ANO2: variants seen among roughly 807,000 people sequenced by gnomAD.
ANO2 encodes the protein anoctamin 2, also known as anoctamin-2.
In ANO2, 101 loss-of-function variants were observed where a neutral mutation model predicts 124.2. The ratio of observed to expected loss-of-function variants is 0.81; its 90% confidence interval spans 0.69 to 0.96. The LOEUF is 0.96. Ranked by LOEUF, ANO2 falls within the 40% of genes least tolerant of loss-of-function variation. The probability of loss-of-function intolerance (pLI) is 0.00; values close to 1 mark genes in which losing one functional copy is unlikely to be tolerated. For synonymous variants in ANO2, 486 were observed against 482.5 expected, an observed-to-expected ratio of 1.01 and a Z score of -0.09; for missense variants, 1,293 against 1,274.5, an observed-to-expected ratio of 1.01 and a Z score of -0.22.
At chr12:5,759,488 A>G (rs1027032978) in intron 10 of ANO2, among the ~76,000 whole-genome samples, 3 of 151,888 alleles carry the variant, frequency 2.0e-5, no homozygotes, top group Non-Finnish European at 4.4e-5. Context: ...CAGGCCACAC[A>G]GCAGGAGGTG....
At chr12:5,735,431 C>T (rs1950817734) in intron 13 of ANO2, among the ~76,000 whole-genome samples, 1 of 152,180 alleles carries the variant, frequency 6.6e-6, no homozygotes, top group African/African-American at 2.4e-5. Context: ...AGTCATCAAG[C>T]ACCTGCTATA....
chr12:5,881,441 T>C (rs1407644955), intron 3 of ANO2, among the ~76,000 whole-genome samples: 2 of 152,144 alleles, frequency 1.3e-5, no homozygotes, highest in Non-Finnish European at 2.9e-5. Context: ...GTGAAATGCA[T>C]CAGATCAAAC....
chr12:5,639,692 G>A (rs1397986614), intron 15 of ANO2, among the ~76,000 whole-genome samples: 1 of 152,176 alleles, frequency 6.6e-6, no homozygotes, highest in African/African-American at 2.4e-5. Flanking sequence ...GTGGGAGATG[G>A]GCAGGCAGCC....
intron 10 of ANO2, among the ~76,000 whole-genome samples, chr12:5,761,855 C>G (rs1367608662): frequency 6.6e-6 from 1 of 152,016 alleles, no homozygotes; most frequent in Non-Finnish European, 1.5e-5. Context: ...TAGCAGCAAA[C>G]AAAACAAAAC....
intron 16 of ANO2, among the ~76,000 whole-genome samples, chr12:5,621,442 G>C (rs1206118959): frequency 6.6e-6 from 1 of 152,198 alleles, no homozygotes; most frequent in African/African-American, 2.4e-5. Flanking sequence ...GACAGGAGCA[G>C]CCAGAAGACT....
Position 5,732,164 on chromosome 12 carries a change from G to A in ANO2, c.1545+356C>T, listed in dbSNP as rs185163226. Among the ~76,000 whole-genome samples, 13 of 152,288 alleles carry A rather than the reference G, an allele frequency of 8.5e-5. 1 individual carries two copies. The East Asian group carries it at 2.3e-3, about 27-fold the overall frequency. On this transcript the variant is annotated intron_variant, in intron 14 of 24. Transcript: ENST00000682330. ...TAGAACAGTGTCTAACATAGAGCAA[G>A]CGTTCGATAAGGATTAGCCGTGGTG... is the stretch of plus-strand genomic sequence containing the variant.
chr12:5,643,134 A>G (rs773529641), intron 15 of ANO2, among the ~76,000 whole-genome samples: 16 of 152,064 alleles, frequency 1.1e-4, no homozygotes, highest in Non-Finnish European at 2.1e-4. Context: ...CACTGCCAGC[A>G]GCTCTGAATT....
chr12:5,839,955 A>G (rs1954461029), intron 4 of ANO2, among the ~76,000 whole-genome samples: 1 of 152,098 alleles, frequency 6.6e-6, no homozygotes, highest in Non-Finnish European at 1.5e-5. Flanking sequence ...CCTGAGAAGA[A>G]AGTAGGCTGT....
intron 11 of ANO2, among the ~76,000 whole-genome samples, chr12:5,749,477 T>G (rs1379940156): frequency 6.6e-6 from 1 of 152,260 alleles, no homozygotes; most frequent in Non-Finnish European, 1.5e-5. Context: ...AAATATGTAG[T>G]GTAACCAACA....
At chr12:5,806,504 C>T (rs958839954) in intron 8 of ANO2, among the ~76,000 whole-genome samples, 12 of 152,206 alleles carry the variant, frequency 7.9e-5, no homozygotes, top group African/African-American at 2.2e-4. Context: ...GACTGCCATC[C>T]GAAAAATTCC....
chr12:5,781,111 A>G (rs1263548208), intron 10 of ANO2, among the ~76,000 whole-genome samples: 1 of 152,226 alleles, frequency 6.6e-6, no homozygotes, highest in Non-Finnish European at 1.5e-5. Context: ...CCAAGCTCAG[A>G]GGTGGCTGCT....
At chr12:5,718,369 A>G (rs1190285319) in intron 14 of ANO2, among the ~76,000 whole-genome samples, 3 of 152,218 alleles carry the variant, frequency 2.0e-5, no homozygotes, top group African/African-American at 7.2e-5. Flanking sequence ...AGGCACAGGA[A>G]CAGCCCCTGG....
At position 5,750,926 on chromosome 12, in the gene ANO2, C is replaced by T. The variant is rs1397868546; in HGVS notation, c.1100G>A (p.Gly367Glu). The T allele has an allele frequency of 6.2e-7, 1 of 1,609,398 alleles. No homozygotes were observed. The highest frequency in any genetic ancestry group is 8.5e-7 in the Non-Finnish European group (1 of 1,177,668). The change falls in exon 11 of 25, where the codon GGA becomes GAA. Residue 367 changes from glycine (G) to glutamate (E), a missense_variant. Gly to Glu is a moderately conservative substitution (Grantham distance 98, BLOSUM62 -2). Coordinates refer to ENST00000682330, the MANE Select transcript of ANO2 (RefSeq NM_001364791.2). ...TGGGATGAGGAATGATGTATATAAT[C>T]CCAGCCAGGCAAAATACAGTCCAAT... ...EKIGLYFAWL[G>E]LYTSFLIPSS... is the part of the protein sequence containing the mutation.
chr12:5,694,734 T>TTTTGTTTG (rs575589730), intron 14 of ANO2, among the ~76,000 whole-genome samples: 3 of 152,058 alleles, frequency 2.0e-5, no homozygotes, highest in Non-Finnish European at 4.4e-5. Context: ...GTTTTCTTTG[T>TTTTGTTTG]TTTGTTTGTT....
chr12:5,850,320 G>A (rs544716706), intron 4 of ANO2, among the ~76,000 whole-genome samples: 111 of 151,574 alleles, frequency 7.3e-4, no homozygotes, highest in African/African-American at 2.6e-3. Context: ...GGAGGCTGAG[G>A]CAAGAGAATT....
chr12:5,881,987 G>A (rs1938532626), intron 3 of ANO2, among the ~76,000 whole-genome samples: 1 of 152,234 alleles, frequency 6.6e-6, no homozygotes, highest in South Asian at 2.1e-4. Context: ...AAAGGTTAGA[G>A]ATGAGTGGGT....
intron 7 of ANO2, 151 bp downstream of exon 7, chr12:5,827,618 G>T: frequency 1.1e-6 from 1 of 919,994 alleles, no homozygotes; most frequent in Non-Finnish European, 1.7e-6. Flanking sequence ...CTGGGGCCAA[G>T]GCAGGCTTCT....
chr12:5,615,830 T>C (rs1245738342), intron 16 of ANO2, among the ~76,000 whole-genome samples: 1 of 152,164 alleles, frequency 6.6e-6, no homozygotes, highest in African/African-American at 2.4e-5. Flanking sequence ...CAGGAAAGCA[T>C]TCATCTGCAT....
intron 3 of ANO2, among the ~76,000 whole-genome samples, chr12:5,877,926 G>A (rs1591729695): frequency 2.6e-5 from 4 of 152,266 alleles, no homozygotes; most frequent in African/African-American, 9.6e-5. Flanking sequence ...GGGAGTGGCT[G>A]TAAATACAGA....
Sources: allele counts gnomAD v4.1 joint callset (sites outside exome capture counted in the v4.1 genomes callset), GRCh38; gene constraint gnomAD v4.1.1; transcripts MANE v1.5; gene names NCBI Gene and HGNC (gene_info 2026-07-23, HGNC 2026-07-21).